Variants in CADM2 observed in about 807,000 individuals in gnomAD.
The protein encoded by CADM2 is cell adhesion molecule 2.
In CADM2, 12 loss-of-function variants were observed where a neutral mutation model predicts 49.8. That is an observed-to-expected ratio of 0.24 (90% CI 0.15 to 0.39). CADM2 has a LOEUF of 0.39. Among genes scored for constraint, CADM2 ranks in the 10% least tolerant of loss-of-function variants. The pLI is 1.00. For synonymous variants in CADM2, 214 were observed against 175.4 expected (o/e 1.22, Z -1.74); for missense variants, 378 against 492.3 (o/e 0.77, Z 2.20).
chr3:85,340,158 C>T (rs1459063336), intron 1 of CADM2, among the ~76,000 whole-genome samples: 1 of 151,260 alleles, frequency 6.6e-6, no homozygotes, highest in Non-Finnish European at 1.5e-5. Flanking sequence ...AAAAGTACAC[C>T]TTAGCATTGC....
intron 1 of CADM2, among the ~76,000 whole-genome samples, chr3:85,256,122 C>T (rs2042879898): frequency 6.6e-6 from 1 of 151,992 alleles, no homozygotes; most frequent in Admixed American, 6.6e-5. Context: ...TTTTCTCACG[C>T]AACAGCACTC....
At chr3:85,213,573 G>T (rs536081030) in intron 1 of CADM2, among the ~76,000 whole-genome samples, 2 of 152,008 alleles carry the variant, frequency 1.3e-5, no homozygotes, top group East Asian at 3.9e-4. Flanking sequence ...CTGCTAAGTG[G>T]TCTATAACCT....
At chr3:86,020,701 G>A (rs1733038906) in intron 8 of CADM2, among the ~76,000 whole-genome samples, 1 of 152,042 alleles carries the variant, frequency 6.6e-6, no homozygotes, top group Admixed American at 6.6e-5. Flanking sequence ...ATCAATAAAT[G>A]TAATCCAGCA....
intron 1 of CADM2, among the ~76,000 whole-genome samples, chr3:85,042,739 C>T (rs2035491578): frequency 6.6e-6 from 1 of 152,146 alleles, no homozygotes; most frequent in Non-Finnish European, 1.5e-5. Flanking sequence ...TCTCAGGTCT[C>T]TTCCAAACAA....
intron 1 of CADM2, among the ~76,000 whole-genome samples, chr3:85,573,392 A>G (rs2062541053): frequency 6.6e-6 from 1 of 151,962 alleles, no homozygotes; most frequent in Non-Finnish European, 1.5e-5. Context: ...GGGTTTCACC[A>G]TGCTGGCCAG....
chr3:85,410,333 G>A (rs1402065063), intron 1 of CADM2, among the ~76,000 whole-genome samples: 5 of 152,002 alleles, frequency 3.3e-5, no homozygotes, highest in Non-Finnish European at 7.4e-5. Flanking sequence ...CTAGCATTAG[G>A]GAGACTATTA....
At chr3:85,711,536 T>A (rs1396033656) in intron 1 of CADM2, among the ~76,000 whole-genome samples, 7 of 152,200 alleles carry the variant, frequency 4.6e-5, no homozygotes, top group Non-Finnish European at 8.8e-5. Context: ...TCTGAAGAAT[T>A]CATATTTCAT....
At chr3:85,896,137 A>C (rs1577594032) in intron 5 of CADM2, among the ~76,000 whole-genome samples, 1 of 152,174 alleles carries the variant, frequency 6.6e-6, no homozygotes, top group South Asian at 2.1e-4. Context: ...CAAAAAATTT[A>C]AAAATTAGCT....
At chr3:85,419,854 C>T (rs529882491) in intron 1 of CADM2, among the ~76,000 whole-genome samples, 1 of 152,200 alleles carries the variant, frequency 6.6e-6, no homozygotes, top group South Asian at 2.1e-4. Context: ...TCAGAATCAC[C>T]TGGAGAGTTT....
intron 1 of CADM2, among the ~76,000 whole-genome samples, chr3:85,108,383 G>A (rs2038326951): frequency 6.6e-6 from 1 of 152,146 alleles, no homozygotes; most frequent in South Asian, 2.1e-4. Flanking sequence ...TGAATTTCTG[G>A]TACATGCTAG....
chr3:85,564,875 T>G (rs2107199706), intron 1 of CADM2, among the ~76,000 whole-genome samples: 1 of 152,180 alleles, frequency 6.6e-6, no homozygotes, highest in South Asian at 2.1e-4. Flanking sequence ...GTGTGAACTA[T>G]ATATAAAACA....
intron 1 of CADM2, among the ~76,000 whole-genome samples, chr3:85,720,811 T>A (rs2067476130): frequency 6.6e-6 from 1 of 152,206 alleles, no homozygotes; most frequent in African/African-American, 2.4e-5. Flanking sequence ...GGCAGTTATC[T>A]AGCCCTCTAC....
intron 1 of CADM2, among the ~76,000 whole-genome samples, chr3:85,606,948 G>C (rs1378032036): frequency 6.6e-6 from 1 of 152,070 alleles, no homozygotes; most frequent in Non-Finnish European, 1.5e-5. Flanking sequence ...TGGCTGATTA[G>C]AGAAAGATAA....
intron 1 of CADM2, among the ~76,000 whole-genome samples, chr3:85,431,246 G>A (rs2036649418): frequency 6.6e-6 from 1 of 152,062 alleles, no homozygotes; most frequent in Non-Finnish European, 1.5e-5. Flanking sequence ...AACACTGTAG[G>A]ATGTTTGCAC....
intron 1 of CADM2, among the ~76,000 whole-genome samples, chr3:85,520,702 C>G (rs984644193): frequency 6.6e-6 from 1 of 151,884 alleles, no homozygotes; most frequent in African/African-American, 2.4e-5. Flanking sequence ...ACAAATTTGT[C>G]TGGTTGTCTT....
chr3:85,164,291 C>T (rs1043905172), intron 1 of CADM2, among the ~76,000 whole-genome samples: 5 of 151,950 alleles, frequency 3.3e-5, no homozygotes, highest in Admixed American at 2.0e-4. Context: ...TGTTTAGTTA[C>T]GTCCTGAGAT....
chr3:85,396,674 A>G (rs2034810442), intron 1 of CADM2, among the ~76,000 whole-genome samples: 1 of 152,104 alleles, frequency 6.6e-6, no homozygotes, highest in Non-Finnish European at 1.5e-5. Flanking sequence ...GCAAAAGGAC[A>G]GTCTGTTCAA....
intron 1 of CADM2, among the ~76,000 whole-genome samples, chr3:85,488,678 C>T (rs547570566): frequency 1.3e-5 from 2 of 152,160 alleles, no homozygotes; most frequent in East Asian, 3.9e-4. Context: ...ATTAGAGGCA[C>T]TCACCACCAC....
intron 8 of CADM2, among the ~76,000 whole-genome samples, chr3:85,963,031 C>T (rs1312200384): frequency 6.6e-6 from 1 of 151,820 alleles, no homozygotes; most frequent in African/African-American, 2.4e-5. Context: ...AGAAATTAAT[C>T]TAACAAGTGT....
Sources: gnomAD v4.1 joint callset for allele counts (sites outside exome capture counted in the v4.1 genomes callset) on GRCh38, gnomAD v4.1.1 for gene constraint, MANE v1.5 for transcripts, NCBI Gene and HGNC (gene_info 2026-07-23, HGNC 2026-07-21) for gene names.